Variants in CPQ observed in about 807,000 individuals in gnomAD.
CPQ encodes the protein Ser-Met dipeptidase.
Under a neutral mutation model 45.7 loss-of-function variants are expected in CPQ, and 37 were observed. That is an observed-to-expected ratio of 0.81 (90% CI 0.62 to 1.07). The LOEUF (loss-of-function observed/expected upper bound fraction) is 1.07. CPQ is among the 50% of genes least tolerant of loss of function. The pLI, the probability that CPQ is intolerant of heterozygous loss-of-function variation, is 0.00. For missense variants in CPQ, 537 were observed against 572.9 expected, an observed-to-expected ratio of 0.94 and a Z score of 0.64; for synonymous variants, 186 against 205.8, an observed-to-expected ratio of 0.90 and a Z score of 0.82.
At chr8:96,828,613 G>T (rs541378936) in intron 2 of CPQ, among the ~76,000 whole-genome samples, 3 of 151,924 alleles carry the variant, frequency 2.0e-5, no homozygotes, top group Admixed American at 6.6e-5. Flanking sequence ...GCTTGAACCT[G>T]ACTGAGGTGC....
chr8:97,006,592 T>G (rs1466422920), intron 5 of CPQ, among the ~76,000 whole-genome samples: 1 of 152,210 alleles, frequency 6.6e-6, no homozygotes, highest in Non-Finnish European at 1.5e-5. Flanking sequence ...CGTAGCTGAT[T>G]CTGTCCTATA....
intron 1 of CPQ, among the ~76,000 whole-genome samples, chr8:96,693,200 G>A (rs1453606828): frequency 6.6e-6 from 1 of 151,862 alleles, no homozygotes; most frequent in Non-Finnish European, 1.5e-5. Flanking sequence ...TCTAGAAAAT[G>A]GCCTCAGAAG....
intron 5 of CPQ, among the ~76,000 whole-genome samples, chr8:96,980,296 C>G (rs560587274): frequency 2.0e-5 from 3 of 152,220 alleles, no homozygotes; most frequent in Non-Finnish European, 4.4e-5. Context: ...CTATGCCCAA[C>G]TAATTTTTGT....
At chr8:96,957,439 C>T (rs1813374658) in intron 4 of CPQ, among the ~76,000 whole-genome samples, 1 of 152,112 alleles carries the variant, frequency 6.6e-6, no homozygotes, top group Non-Finnish European at 1.5e-5. Context: ...TAGGAAGCAC[C>T]TTGACTCCCA....
chr8:96,985,348 G>T (rs1166310237), intron 5 of CPQ, among the ~76,000 whole-genome samples: 1 of 150,604 alleles, frequency 6.6e-6, no homozygotes, highest in African/African-American at 2.5e-5. Flanking sequence ...CTGTCCTTCT[G>T]TAATCCATAC....
chr8:96,949,855 T>C (rs1813235426), intron 4 of CPQ, among the ~76,000 whole-genome samples: 1 of 152,162 alleles, frequency 6.6e-6, no homozygotes, highest in South Asian at 2.1e-4. Flanking sequence ...GACTTCAGAC[T>C]TACTCACTGC....
intron 4 of CPQ, among the ~76,000 whole-genome samples, chr8:96,886,111 A>C (rs1812304030): frequency 1.3e-5 from 2 of 152,212 alleles, no homozygotes; most frequent in South Asian, 4.1e-4. Context: ...GGCTCCTCTA[A>C]GCCCAGAATT....
intron 3 of CPQ, among the ~76,000 whole-genome samples, chr8:96,840,809 A>G (rs1811595795): frequency 6.6e-6 from 1 of 152,202 alleles, no homozygotes; most frequent in Non-Finnish European, 1.5e-5. Context: ...GTTGATAGGC[A>G]AGGATTAAAA....
At chr8:97,136,298 A>C (rs1281102774) in intron 7 of CPQ, among the ~76,000 whole-genome samples, 1 of 152,222 alleles carries the variant, frequency 6.6e-6, no homozygotes, top group Non-Finnish European at 1.5e-5. Context: ...GTCTTTAAAA[A>C]GCGATCGTCA....
chr8:97,032,239 A>G (rs1349713973), intron 6 of CPQ, among the ~76,000 whole-genome samples: 1 of 152,190 alleles, frequency 6.6e-6, no homozygotes, highest in African/African-American at 2.4e-5. Context: ...CTCACTTAAC[A>G]TCCAATCTAC....
At chr8:96,971,337 C>G (rs1339897325) in intron 5 of CPQ, among the ~76,000 whole-genome samples, 1 of 152,214 alleles carries the variant, frequency 6.6e-6, no homozygotes, top group Non-Finnish European at 1.5e-5. Context: ...AGTGCAAACT[C>G]TAGCTGACAA....
At chr8:97,007,241 T>G (rs527735650) in intron 5 of CPQ, among the ~76,000 whole-genome samples, 2 of 152,312 alleles carry the variant, frequency 1.3e-5, no homozygotes, top group South Asian at 4.1e-4. Context: ...ACACAACAGT[T>G]TTCTGTGTGG....
At chr8:96,703,786 C>G (rs1809499243) in intron 1 of CPQ, among the ~76,000 whole-genome samples, 1 of 151,978 alleles carries the variant, frequency 6.6e-6, no homozygotes, top group Admixed American at 6.6e-5. Flanking sequence ...GTATGGGTAT[C>G]CTATACTCTG....
chr8:96,763,945 T>C (rs762491116), intron 1 of CPQ, among the ~76,000 whole-genome samples: 20 of 152,186 alleles, frequency 1.3e-4, no homozygotes, highest in East Asian at 7.7e-4. Flanking sequence ...TGTAAACTGG[T>C]ACAACCACTT....
chr8:96,781,682 C>T (rs1375780455), intron 1 of CPQ, among the ~76,000 whole-genome samples: 1 of 152,208 alleles, frequency 6.6e-6, no homozygotes, highest in Non-Finnish European at 1.5e-5. Flanking sequence ...CCAGCACCAA[C>T]TCAAAAGTCC....
intron 1 of CPQ, among the ~76,000 whole-genome samples, chr8:96,706,439 C>T (rs762521510): frequency 5.9e-5 from 9 of 151,906 alleles, no homozygotes; most frequent in Non-Finnish European, 1.0e-4. Flanking sequence ...GCAGTTAGCC[C>T]TTGAGGGTTG....
At chr8:97,071,251 A>C (rs950567036) in intron 7 of CPQ, among the ~76,000 whole-genome samples, 1 of 152,302 alleles carries the variant, frequency 6.6e-6, no homozygotes, top group South Asian at 2.1e-4. Context: ...TTTGTTATTA[A>C]GCATCCTTAT....
At chr8:96,843,833 CTA>C (rs1811649902) in intron 3 of CPQ, among the ~76,000 whole-genome samples, 1 of 152,150 alleles carries the variant, frequency 6.6e-6, no homozygotes, top group Non-Finnish European at 1.5e-5. Context: ...TGAGAGGAGA[CTA>C]TATAGTTATG....
chr8:97,097,654 G>A (rs1282374105), intron 7 of CPQ, among the ~76,000 whole-genome samples: 1 of 152,144 alleles, frequency 6.6e-6, no homozygotes, highest in East Asian at 1.9e-4. Context: ...GGCCAGTGGG[G>A]AACAGTTTGT....
Sources: gnomAD v4.1 joint callset for allele counts (sites outside exome capture counted in the v4.1 genomes callset) on GRCh38, gnomAD v4.1.1 for gene constraint, MANE v1.5 for transcripts, NCBI Gene and HGNC (gene_info 2026-07-23, HGNC 2026-07-21) for gene names.